NR6A1: variants seen among roughly 807,000 people sequenced by gnomAD.
NR6A1 encodes the protein nuclear receptor subfamily 6 group A member 1.
In NR6A1, 7 loss-of-function variants were observed where a neutral mutation model predicts 59.1. That is an observed-to-expected ratio of 0.12 (90% CI 0.07 to 0.22). The LOEUF (loss-of-function observed/expected upper bound fraction) is 0.22. NR6A1 is among the 10% of genes least tolerant of loss of function. The pLI is 1.00. For missense variants in NR6A1, 468 were observed against 611.6 expected, an observed-to-expected ratio of 0.77 and a Z score of 2.48; for synonymous variants, 243 against 236.1, an observed-to-expected ratio of 1.03 and a Z score of -0.27.
intron 2 of NR6A1, among the ~76,000 whole-genome samples, chr9:124,585,917 T>C (rs1214856093): frequency 6.6e-6 from 1 of 152,204 alleles, no homozygotes; most frequent in Non-Finnish European, 1.5e-5. Context: ...TGTATGTTTA[T>C]AGAATGGTTT....
chr9:124,551,845 C>T (rs1302295110), intron 3 of NR6A1, among the ~76,000 whole-genome samples: 1 of 152,190 alleles, frequency 6.6e-6, no homozygotes, highest in Non-Finnish European at 1.5e-5. Context: ...CAGGTCCATA[C>T]AGAACATTCC....
chr9:124,764,747 T>C (rs916163353), intron 1 of NR6A1, among the ~76,000 whole-genome samples: 1 of 152,234 alleles, frequency 6.6e-6, no homozygotes, highest in African/African-American at 2.4e-5. Context: ...TTAATCACTA[T>C]TACCAAATTT....
intron 2 of NR6A1, among the ~76,000 whole-genome samples, chr9:124,716,400 G>T (rs1331445347): frequency 6.6e-6 from 1 of 152,102 alleles, no homozygotes; most frequent in Non-Finnish European, 1.5e-5. Flanking sequence ...TGCAATCTCA[G>T]GTTAGGCCAA....
intron 2 of NR6A1, among the ~76,000 whole-genome samples, chr9:124,656,149 C>T (rs1339711833): frequency 6.6e-6 from 1 of 152,160 alleles, no homozygotes; most frequent in Non-Finnish European, 1.5e-5. Flanking sequence ...CCTCCTTCTT[C>T]TCTCTCTTGC....
intron 2 of NR6A1, among the ~76,000 whole-genome samples, chr9:124,728,478 C>G (rs1839790071): frequency 6.6e-6 from 1 of 151,434 alleles, no homozygotes. Context: ...TACTAAAAAA[C>G]AGAAAAATTA....
At chr9:124,587,995 G>T in intron 2 of NR6A1, among the ~76,000 whole-genome samples, 1 of 152,108 alleles carries the variant, frequency 6.6e-6, no homozygotes, top group Non-Finnish European at 1.5e-5. Flanking sequence ...AGCCTTTCAA[G>T]TCAACACTTT....
intron 6 of NR6A1, among the ~76,000 whole-genome samples, chr9:124,537,210 TTACTGAGTAGC>T (rs1042611491): frequency 2.0e-5 from 3 of 152,036 alleles, no homozygotes; most frequent in African/African-American, 7.2e-5. Context: ...CTGCCTCAGC[TTACTGAGTAGC>T]TGCGATTACA....
chr9:124,754,008 T>G (rs1840575619), intron 1 of NR6A1, among the ~76,000 whole-genome samples: 1 of 152,138 alleles, frequency 6.6e-6, no homozygotes, highest in Admixed American at 6.5e-5. Flanking sequence ...TTATAACAAG[T>G]CCAAGCCAAA....
At chr9:124,537,166 T>G (rs1051983935) in intron 6 of NR6A1, among the ~76,000 whole-genome samples, 2 of 151,784 alleles carry the variant, frequency 1.3e-5, no homozygotes, top group African/African-American at 4.8e-5. Context: ...CTCAGCTCGC[T>G]GCAACCTCCA....
chr9:124,532,080 T>G (rs564988513), intron 7 of NR6A1, among the ~76,000 whole-genome samples: 22 of 152,336 alleles, frequency 1.4e-4, no homozygotes, highest in African/African-American at 5.3e-4. Context: ...AAACCCCAAA[T>G]TATTTAGATT....
chr9:124,627,762 G>A (rs1222548232), intron 2 of NR6A1, among the ~76,000 whole-genome samples: 3 of 151,796 alleles, frequency 2.0e-5, no homozygotes, highest in Admixed American at 6.6e-5. Flanking sequence ...TTGTACAAAC[G>A]GGGCCTTGTC....
intron 7 of NR6A1, among the ~76,000 whole-genome samples, chr9:124,533,485 TC>T (rs1833157055): frequency 6.6e-6 from 1 of 152,096 alleles, no homozygotes; most frequent in Non-Finnish European, 1.5e-5. Context: ...GACTCCTCCC[TC>T]CCCTAGCTGT....
intron 2 of NR6A1, 37 bp downstream of exon 2, chr9:124,733,271 T>C: frequency 7.8e-6 from 12 of 1,528,956 alleles, no homozygotes; most frequent in South Asian, 2.2e-5. Flanking sequence ...CACATCCTTT[T>C]CTTACCAAAG....
chr9:124,563,669 A>G (rs1346858131), intron 2 of NR6A1, among the ~76,000 whole-genome samples: 2 of 152,344 alleles, frequency 1.3e-5, no homozygotes, highest in East Asian at 3.9e-4. Flanking sequence ...TCCCCTGCTT[A>G]TAGAGTTCAA....
rs139658764 is a variant in NR6A1 at position 124,718,346 on chromosome 9, T to C, written c.142+14962A>G. On this transcript the variant is annotated intron_variant, in intron 2 of 9. Transcript: ENST00000487099. Reference sequence around the variant, plus strand: ...AAATTCTGATGGCTTTACTAGTGAATGGAAGCAGGGTTGCAAGTAGAAGCC... The same window carrying C: ...AAATTCTGATGGCTTTACTAGTGAACGGAAGCAGGGTTGCAAGTAGAAGCC... Among the ~76,000 whole-genome samples, 21 of 152,356 alleles carry C rather than the reference T, an allele frequency of 1.4e-4. No individual in the cohort carries two copies. The East Asian group carries it at 3.9e-3, about 28-fold the overall frequency.
chr9:124,694,978 T>C lies in NR6A1; in HGVS notation c.142+38330A>G, dbSNP rs139336948. Reference sequence around the variant, plus strand: ...ACACCAGAATCATCTAGAGTTGCTTTTAAAATGGCAAATTCCTGAGCCCTA... The same window carrying C: ...ACACCAGAATCATCTAGAGTTGCTTCTAAAATGGCAAATTCCTGAGCCCTA... On this transcript the variant is annotated intron_variant, in intron 2 of 9. Transcript: ENST00000487099. Among the ~76,000 whole-genome samples, 704 of 152,348 alleles carry C rather than the reference T, an allele frequency of 4.6e-3. 6 individuals carry two copies. The highest frequency in any genetic ancestry group is 0.016 in the African/African-American group (658 of 41,582).
intron 2 of NR6A1, among the ~76,000 whole-genome samples, chr9:124,658,113 A>G (rs1837316833): frequency 6.6e-6 from 1 of 152,204 alleles, no homozygotes; most frequent in Non-Finnish European, 1.5e-5. Flanking sequence ...GCCTATTTGT[A>G]TTTCAGAAAG....
At chr9:124,619,930 G>A (rs916054672) in intron 2 of NR6A1, among the ~76,000 whole-genome samples, 7 of 152,084 alleles carry the variant, frequency 4.6e-5, no homozygotes, top group Non-Finnish European at 8.8e-5. Context: ...GCATGGTGGT[G>A]CATGCCTGTA....
At chr9:124,692,550 T>C (rs1299386502) in intron 2 of NR6A1, 1 of 513,830 alleles carries the variant, frequency 1.9e-6, no homozygotes, top group Non-Finnish European at 4.0e-6. Context: ...TTGGGGTCCT[T>C]ACAGACGACA....
Sources: allele counts gnomAD v4.1 joint callset (sites outside exome capture counted in the v4.1 genomes callset), GRCh38; gene constraint gnomAD v4.1.1; transcripts MANE v1.5; gene names NCBI Gene and HGNC (gene_info 2026-07-23, HGNC 2026-07-21).